The following RABGEF1 variants were observed in gnomAD, a reference collection of about 807,000 sequenced individuals.
RABGEF1 encodes the protein RAB guanine nucleotide exchange factor 1.
A neutral mutation model predicts 57.3 loss-of-function variants in RABGEF1; 26 were observed. That is an observed-to-expected ratio of 0.45 (90% CI 0.33 to 0.63). The LOEUF (loss-of-function observed/expected upper bound fraction) is 0.63, where lower values mean the gene tolerates loss of function less well. RABGEF1 is among the 20% of genes least tolerant of loss of function. RABGEF1 has a pLI of 0.02. For synonymous variants in RABGEF1, 185 were observed against 210.7 expected (o/e 0.88, Z 1.06); for missense variants, 464 against 607.6 (o/e 0.76, Z 2.48).
chr7:66,799,211 TG>T, intron 6 of RABGEF1, 111 bp from the exon 7 acceptor site: 1 of 736,540 alleles, frequency 1.4e-6, no homozygotes, highest in Non-Finnish European at 2.3e-6. Context: ...TGTGTGGGCC[TG>T]GGATTGAGTG....
At chr7:66,806,766 C>A (rs537619766) in intron 8 of RABGEF1, among the ~76,000 whole-genome samples, 17 of 151,064 alleles carry the variant, frequency 1.1e-4, no homozygotes, top group South Asian at 1.0e-3. Context: ...GCCTTAGCCT[C>A]CCAAGTAGCT....
chr7:66,726,322 C>T (rs1796578865), intron 2 of RABGEF1, among the ~76,000 whole-genome samples: 1 of 152,144 alleles, frequency 6.6e-6, no homozygotes, highest in Non-Finnish European at 1.5e-5. Context: ...AGCTTCACTC[C>T]AGGCTCAAAG....
chr7:66,805,031 G>T, intron 7 of RABGEF1, 109 bp from the exon 8 acceptor site: 1 of 1,218,052 alleles, frequency 8.2e-7, no homozygotes, highest in South Asian at 1.5e-5. Context: ...TGCTGGAAAA[G>T]GGGTTAATAA....
intron 1 of RABGEF1, among the ~76,000 whole-genome samples, chr7:66,691,333 A>C (rs1470863258): frequency 6.6e-6 from 1 of 152,186 alleles, no homozygotes; most frequent in Non-Finnish European, 1.5e-5. Flanking sequence ...AAGTATTCAA[A>C]GCAGCTTTAT....
At chr7:66,694,871 A>C (rs1792087027) in intron 1 of RABGEF1, among the ~76,000 whole-genome samples, 1 of 152,096 alleles carries the variant, frequency 6.6e-6, no homozygotes, top group Non-Finnish European at 1.5e-5. Context: ...TTAGCCCTGG[A>C]CTTAGGGGTG....
intron 2 of RABGEF1, 48 bp downstream of exon 2, chr7:66,772,126 C>T (rs1382508602): frequency 1.5e-6 from 2 of 1,320,624 alleles, no homozygotes; most frequent in Non-Finnish European, 2.0e-6. Flanking sequence ...TGACTGGATA[C>T]ATAGTTCTGT....
intron 1 of RABGEF1, among the ~76,000 whole-genome samples, chr7:66,745,853 G>C (rs1052949929): frequency 6.6e-6 from 1 of 151,834 alleles, no homozygotes; most frequent in African/African-American, 2.4e-5. Context: ...CCAGTGCTTT[G>C]GGAGGCCAAA....
chr7:66,708,079 T>A (rs531767349), intron 1 of RABGEF1, among the ~76,000 whole-genome samples: 16 of 152,196 alleles, frequency 1.1e-4, no homozygotes, highest in Non-Finnish European at 2.2e-4. Context: ...TCATAAGGAT[T>A]TACTTCTCCC....
intron 1 of RABGEF1, among the ~76,000 whole-genome samples, chr7:66,767,703 C>T (rs1371072519): frequency 6.6e-6 from 1 of 152,214 alleles, no homozygotes; most frequent in Non-Finnish European, 1.5e-5. Flanking sequence ...CCTAGCCTGT[C>T]TCCCCCTCCC....
the RABGEF1 span, among the ~76,000 whole-genome samples, chr7:66,656,239 C>G: frequency 6.6e-6 from 1 of 152,142 alleles, no homozygotes; most frequent in East Asian, 1.9e-4. Flanking sequence ...ACCTCAGCCT[C>G]CCAAGTTGCT....
At chr7:66,765,084 G>A (rs1472513112) in intron 1 of RABGEF1, among the ~76,000 whole-genome samples, 3 of 151,640 alleles carry the variant, frequency 2.0e-5, no homozygotes, top group Non-Finnish European at 4.4e-5. Context: ...ATAATCACAG[G>A]TGTAGCACCA....
chr7:66,741,841 TAA>T (rs1277940592), intron 1 of RABGEF1, among the ~76,000 whole-genome samples: 2 of 152,124 alleles, frequency 1.3e-5, no homozygotes, highest in African/African-American at 4.8e-5. Flanking sequence ...TAACTGCTGT[TAA>T]AGAGTGTGTT....
chr7:66,804,791 A>G (rs752319609), intron 7 of RABGEF1, among the ~76,000 whole-genome samples: 1 of 152,052 alleles, frequency 6.6e-6, no homozygotes, highest in Admixed American at 6.6e-5. Context: ...CATGGTTTCA[A>G]ATTCCCACCC....
chr7:66,804,087 T>C (rs1220530710), intron 7 of RABGEF1, among the ~76,000 whole-genome samples: 3 of 134,860 alleles, frequency 2.2e-5, no homozygotes, highest in Non-Finnish European at 3.2e-5. Context: ...AGTAGCTGGA[T>C]TTTTTTTTTT....
intron 1 of RABGEF1, among the ~76,000 whole-genome samples, chr7:66,683,792 G>A (rs1242080744): frequency 6.6e-6 from 1 of 151,968 alleles, no homozygotes; most frequent in Non-Finnish European, 1.5e-5. Flanking sequence ...CCAGGCTGGA[G>A]TACAGTGACA....
At chr7:66,721,187 G>C (rs1009023078) in intron 2 of RABGEF1, among the ~76,000 whole-genome samples, 19 of 152,262 alleles carry the variant, frequency 1.2e-4, no homozygotes, top group African/African-American at 4.6e-4. Flanking sequence ...CCAAAGTGCT[G>C]GGATTACAGG....
chr7:66,682,510 G>A (rs1457123828), intron 1 of RABGEF1, among the ~76,000 whole-genome samples: 1 of 152,208 alleles, frequency 6.6e-6, no homozygotes, highest in African/African-American at 2.4e-5. Flanking sequence ...CCAGCGCCCG[G>A]CCGTGCCCCG....
chr7:66,807,380 A>G (rs915375511), intron 8 of RABGEF1, among the ~76,000 whole-genome samples: 4 of 152,190 alleles, frequency 2.6e-5, no homozygotes, highest in Non-Finnish European at 4.4e-5. Context: ...TTGTTCTGCA[A>G]CTTCTGTTGT....
At chr7:66,714,096 G>A (rs1795085821) in intron 2 of RABGEF1, among the ~76,000 whole-genome samples, 1 of 152,188 alleles carries the variant, frequency 6.6e-6, no homozygotes, top group Non-Finnish European at 1.5e-5. Context: ...AATTTTGGAA[G>A]TGTTCATTTC....
Sources: gnomAD v4.1 joint callset for allele counts (sites outside exome capture counted in the v4.1 genomes callset) on GRCh38, gnomAD v4.1.1 for gene constraint, MANE v1.5 for transcripts, NCBI Gene and HGNC (gene_info 2026-07-23, HGNC 2026-07-21) for gene names.